The following BOC variants were observed in gnomAD, a reference collection of about 807,000 sequenced individuals.
The protein encoded by BOC is BOC cell adhesion associated, oncogene regulated, also known as brother of CDO.
In BOC, 76 loss-of-function variants were observed where a neutral mutation model predicts 112.0. The observed-to-expected ratio is 0.68, with a 90% CI of 0.56 to 0.82. BOC has a LOEUF of 0.82. Among genes scored for constraint, BOC ranks in the 40% least tolerant of loss-of-function variants. The probability of loss-of-function intolerance (pLI) is 0.00; values close to 1 mark genes in which losing one functional copy is unlikely to be tolerated. For synonymous variants in BOC, 580 were observed against 599.8 expected, an observed-to-expected ratio of 0.97 and a Z score of 0.48; for missense variants, 1,309 against 1,511.7, an observed-to-expected ratio of 0.87 and a Z score of 2.22.
At chr3:113,267,858 T>C (rs1278864635) in intron 4 of BOC, among the ~76,000 whole-genome samples, 2 of 152,224 alleles carry the variant, frequency 1.3e-5, no homozygotes, top group African/African-American at 2.4e-5. Flanking sequence ...CTCCGAAGGC[T>C]GTTCTCAATC....
rs191002745 is a variant in BOC at position 113,268,855 on chromosome 3, G to A, written c.523+410G>A. On this transcript the variant is annotated intron_variant, in intron 5 of 19. Transcript: ENST00000682979. ...ACTCCTGAGCTCAAGCAATCTTCCCGCTTTGGCTGAAATTACAGGCTTGAG... is the reference window on the plus strand; with the variant it reads ...ACTCCTGAGCTCAAGCAATCTTCCCACTTTGGCTGAAATTACAGGCTTGAG... 3.9e-5 allele frequency among the ~76,000 whole-genome samples: 6 copies of A among 152,214 alleles called. No individual in the cohort carries two copies. The East Asian group carries it at 5.8e-4, about 15-fold the overall frequency.
intron 4 of BOC, among the ~76,000 whole-genome samples, chr3:113,252,814 C>G (rs1001933966): frequency 2.6e-5 from 4 of 152,162 alleles, no homozygotes; most frequent in African/African-American, 4.8e-5. Flanking sequence ...GAGTGCCTGG[C>G]CTCGGGGAGC....
At chr3:113,247,429 C>G (rs903754989) in intron 2 of BOC, among the ~76,000 whole-genome samples, 1 of 147,688 alleles carries the variant, frequency 6.8e-6, no homozygotes, top group Non-Finnish European at 1.5e-5. Context: ...CTAGAAATCA[C>G]TGTTAAAATG....
chr3:113,241,279 G>C (rs1944253723), intron 2 of BOC, among the ~76,000 whole-genome samples: 1 of 152,034 alleles, frequency 6.6e-6, no homozygotes, highest in African/African-American at 2.4e-5. Context: ...GTCCCCAAAG[G>C]CCCTGATGGT....
chr3:113,276,222 C>T (rs750206778), intron 9 of BOC, among the ~76,000 whole-genome samples: 4 of 152,212 alleles, frequency 2.6e-5, no homozygotes, highest in Non-Finnish European at 5.9e-5. Context: ...CAATAGGTGG[C>T]CGTGAAGCAG....
intron 2 of BOC, among the ~76,000 whole-genome samples, chr3:113,219,950 T>G (rs1251848377): frequency 6.6e-6 from 1 of 152,172 alleles, no homozygotes; most frequent in East Asian, 1.9e-4. Flanking sequence ...GTCTGCTGCT[T>G]CTTAATCTGC....
rs3814404 is a variant in BOC at position 113,284,415 on chromosome 3, C to T, written c.2737C>T (p.Pro913Ser). ...PYTMVPLGGL[P>S]GHQASGQPYL... ...TACTATGGTGCCATTGGGAGGACTC[C>T]CAGGCCACCAGGCCAGTGGACAGCC... Residue 913 changes from proline (P) to serine (S), a missense_variant, in exon 17 of 20, where the codon CCA becomes TCA. By Grantham distance (74) the Pro-to-Ser change is moderately conservative (BLOSUM62 -1). Transcript: ENST00000682979. 1.0e-3 allele frequency: 1,647 copies of T among 1,614,244 alleles called. 22 individuals are homozygous for T. The East Asian group carries it at 0.035, about 34-fold the overall frequency.
chr3:113,252,177 T>A (rs558922757), intron 4 of BOC, among the ~76,000 whole-genome samples: 1 of 152,338 alleles, frequency 6.6e-6, no homozygotes, highest in South Asian at 2.1e-4. Context: ...CCAGGAAGCT[T>A]AAAGAACTGC....
rs767990681 is a variant in BOC, at chr3:113,283,438, G to A, written c.2462G>A (p.Arg821Gln). 8.1e-6 allele frequency: 13 copies of A among 1,607,726 alleles called. No homozygotes were observed. In the Admixed American group the frequency reaches 8.4e-5, roughly 10 times the overall value. ...KARKSSGQPG[R>Q]LPPPTLAPPQ... The stretch of plus-strand genomic sequence containing the variant: ...CGGAAGTCTTCTGGCCAGCCTGGTC[G>A]ACTGCCACCCCCAACTCTGGCCCCA... The change falls in exon 16 of 20, where the codon CGA becomes CAA. Residue 821 changes from arginine (R) to glutamine (Q), a missense_variant. Arg to Gln is a conservative substitution (Grantham distance 43). Coordinates refer to ENST00000682979, the MANE Select transcript of BOC (RefSeq NM_001378074.1).
At chr3:113,223,595 G>A (rs1472778520) in intron 2 of BOC, among the ~76,000 whole-genome samples, 4 of 152,048 alleles carry the variant, frequency 2.6e-5, no homozygotes, top group Non-Finnish European at 5.9e-5. Context: ...TCCCTTGTGC[G>A]CCACCTATTC....
At chr3:113,260,199 C>T (rs112142269) in intron 4 of BOC, among the ~76,000 whole-genome samples, 3 of 152,104 alleles carry the variant, frequency 2.0e-5, no homozygotes, top group African/African-American at 7.2e-5. Flanking sequence ...AGGAAGACTC[C>T]CAGATAAAAC....
At position 113,287,244 on chromosome 3, in the gene BOC, G is replaced by A; in HGVS notation, c.*382G>A. On this transcript the variant is annotated 3_prime_UTR_variant, in exon 20 of 20. Coordinates refer to ENST00000682979, the MANE Select transcript of BOC (RefSeq NM_001378074.1). ...CACGAGCATGAGGGAACAGCAAGGGGCACGGTATCACAGCCTGGAGACACC... is the reference window on the plus strand; with the variant it reads ...CACGAGCATGAGGGAACAGCAAGGGACACGGTATCACAGCCTGGAGACACC... The A allele has an allele frequency of 1.4e-5, 5 of 354,182 alleles. No individual in the cohort carries two copies. Among genetic ancestry groups the A allele is most frequent in the South Asian group, 1.1e-4 (5 of 45,772 alleles). 21.9% of individuals were successfully genotyped at this position (354,182 alleles called of 1,614,324 possible).
intron 4 of BOC, among the ~76,000 whole-genome samples, chr3:113,263,223 G>A (rs766500706): frequency 6.6e-6 from 1 of 152,222 alleles, no homozygotes; most frequent in Admixed American, 6.5e-5. Flanking sequence ...CATCCTGGCA[G>A]CATTGCCACA....
chr3:113,286,007 TACAA>T (rs1949648417), intron 19 of BOC, among the ~76,000 whole-genome samples: 1 of 152,334 alleles, frequency 6.6e-6, no homozygotes, highest in South Asian at 2.1e-4. Flanking sequence ...GCCAAATTCT[TACAA>T]ACATCATCAT....
chr3:113,286,812 C>T lies in BOC; in HGVS notation c.3298C>T (p.Pro1100Ser), dbSNP rs554975874. The T allele has an allele frequency of 3.1e-6, 5 of 1,611,224 alleles. No homozygotes were observed. The African/African-American group carries it at 5.3e-5, about 17-fold the overall frequency. The change falls in exon 20 of 20, where the codon CCG becomes TCG. Residue 1100 changes from proline to serine, a missense_variant. By Grantham distance (74) the Pro-to-Ser change is moderately conservative. Coordinates refer to ENST00000682979, the MANE Select transcript of BOC (RefSeq NM_001378074.1). ...ACAGGAACCTGGAATGCAGCTCTCC[C>T]CGGGGCCACTGGTGCGTGTGTCTTT... Reference protein sequence around the residue: ...VGQEPGMQLSPGPLVRVSFET... With the variant: ...VGQEPGMQLSSGPLVRVSFET...
At chr3:113,214,898 T>C (rs1205421462) in intron 1 of BOC, among the ~76,000 whole-genome samples, 1 of 152,244 alleles carries the variant, frequency 6.6e-6, no homozygotes, top group East Asian at 1.9e-4. Context: ...TTTTTATTTA[T>C]TGTACAAGCA....
chr3:113,268,423 A>G lies in BOC; in HGVS notation c.501A>G (p.Gln167=), dbSNP rs1947751003. The part of the protein sequence containing the change: ...PKAQVRYSVK[Q]EWLEASRGNY... ...CCCAGGTCCGGTACAGCGTCAAACA[A>G]GAGTGGCTGGAGGCCTCCAGAGGTG... Residue 167 remains glutamine, a synonymous_variant, in exon 5 of 20, where the codon CAA becomes CAG. Coordinates refer to ENST00000682979, the MANE Select transcript of BOC (RefSeq NM_001378074.1). The G allele has an allele frequency of 6.2e-7, 1 of 1,613,964 alleles. No homozygotes were observed. Among genetic ancestry groups the G allele is most frequent in the South Asian group, 1.1e-5 (1 of 91,040 alleles).
chr3:113,277,233 C>G (rs1460179357), intron 9 of BOC, among the ~76,000 whole-genome samples: 1 of 152,188 alleles, frequency 6.6e-6, no homozygotes, highest in African/African-American at 2.4e-5. Context: ...TGCTGGGCAT[C>G]TACTGTGCAC....
intron 4 of BOC, among the ~76,000 whole-genome samples, chr3:113,260,662 TAGAATAGAAC>T (rs1382310313): frequency 1.2e-5 from 1 of 85,008 alleles, no homozygotes; most frequent in Admixed American, 1.3e-4. Context: ...TCTATTAGAA[TAGAATAGAAC>T]AGAACAGAAC....
Sources: gnomAD v4.1 joint callset for allele counts (sites outside exome capture counted in the v4.1 genomes callset) on GRCh38, gnomAD v4.1.1 for gene constraint, MANE v1.5 for transcripts, NCBI Gene and HGNC (gene_info 2026-07-23, HGNC 2026-07-21) for gene names.